TMEM67: variants seen among roughly 807,000 people sequenced by gnomAD.
The protein encoded by TMEM67 is meckelin.
Under a neutral mutation model 136.6 loss-of-function variants are expected in TMEM67, and 124 were observed. The observed-to-expected ratio is 0.91, with a 90% CI of 0.78 to 1.05. The LOEUF is 1.05. Ranked by LOEUF, TMEM67 falls within the 50% of genes least tolerant of loss-of-function variation. The probability of loss-of-function intolerance (pLI) is 0.00; values close to 1 mark genes in which losing one functional copy is unlikely to be tolerated. For synonymous variants in TMEM67, 364 were observed against 390.5 expected (o/e 0.93, Z 0.80); for missense variants, 1,107 against 1,178.4 (o/e 0.94, Z 0.89).
intron 21 of TMEM67, among the ~76,000 whole-genome samples, chr8:93,801,739 G>A (rs551090763): frequency 6.6e-6 from 1 of 152,066 alleles, no homozygotes; most frequent in African/African-American, 2.4e-5. Context: ...AGGTCCAGGT[G>A]GTGGTATTCA....
rs532107815 is a variant in TMEM67 at position 93,785,522 on chromosome 8, A to C, written c.1288+144A>C. 34 of 778,364 alleles carry C rather than the reference A, an allele frequency of 4.4e-5. No individual in the cohort carries two copies. In the East Asian group the frequency reaches 7.2e-4, roughly 16 times the overall value. The allele number at this position is 778,364 out of a possible 1,614,324, so 48.2% of individuals were successfully genotyped here. ...GTTCTATACAGTGTGCCAAAAAATGAAACAATAAATTGCTGGTGGACTTAG... is the reference window on the plus strand; with the variant it reads ...GTTCTATACAGTGTGCCAAAAAATGCAACAATAAATTGCTGGTGGACTTAG... On this transcript the variant is annotated intron_variant, in intron 12 of 27. Transcript: ENST00000453321.
chr8:93,775,076 G>T (rs561375635), intron 7 of TMEM67, among the ~76,000 whole-genome samples: 4 of 152,272 alleles, frequency 2.6e-5, no homozygotes, highest in African/African-American at 9.6e-5. Context: ...CTATCTCTTT[G>T]TGGTTTTGAT....
intron 13 of TMEM67, among the ~76,000 whole-genome samples, chr8:93,787,345 C>G (rs889090390): frequency 2.7e-5 from 4 of 147,008 alleles, no homozygotes; most frequent in African/African-American, 9.8e-5. Flanking sequence ...TGGGCTCAAA[C>G]AGTCTTCCCG....
chr8:93,769,999 CA>C (rs763762848), intron 6 of TMEM67, among the ~76,000 whole-genome samples: 4 of 152,170 alleles, frequency 2.6e-5, no homozygotes, highest in Non-Finnish European at 5.9e-5. Context: ...ACTTGCCAAT[CA>C]GAAAAAAATT....
chr8:93,815,260 C>A, intron 26 of TMEM67, 45 bp from the exon 27 acceptor site: 1 of 1,358,190 alleles, frequency 7.4e-7, no homozygotes, highest in South Asian at 1.4e-5. Flanking sequence ...CAGACTTGTT[C>A]CTTTTTTAAA....
At chr8:93,807,650 A>T (rs1440409115) in intron 23 of TMEM67, among the ~76,000 whole-genome samples, 1 of 151,752 alleles carries the variant, frequency 6.6e-6, no homozygotes, top group African/African-American at 2.4e-5. Flanking sequence ...TTATTTTGTA[A>T]ATTTTCTGCA....
intron 6 of TMEM67, among the ~76,000 whole-genome samples, chr8:93,767,662 T>C (rs1355060737): frequency 6.6e-6 from 1 of 152,090 alleles, no homozygotes; most frequent in Non-Finnish European, 1.5e-5. Flanking sequence ...TCATTATTTG[T>C]TTTGATGCTC....
In TMEM67 at chr8:93,767,777, T is replaced by C. The variant is rs556400032; in HGVS notation, c.651+2131T>C. On this transcript the variant is annotated intron_variant, in intron 6 of 27. Transcript: ENST00000453321. ...CATCATTCTTTGAACATTTGCTTACTTTATGGTACAACAAGATTTCTAGGC... is the reference window on the plus strand; with the variant it reads ...CATCATTCTTTGAACATTTGCTTACCTTATGGTACAACAAGATTTCTAGGC... Among the ~76,000 whole-genome samples, 29 of 151,550 alleles carry C rather than the reference T, an allele frequency of 1.9e-4. 1 individual carries two copies. The South Asian group carries it at 4.8e-3, about 25-fold the overall frequency.
At chr8:93,809,977 T>TC in intron 26 of TMEM67, 90 bp downstream of exon 26, 5 of 823,970 alleles carry the variant, frequency 6.1e-6, no homozygotes, top group Non-Finnish European at 7.7e-6. Context: ...TTTTCTTTTT[T>TC]TTTTTTTTTT....
chr8:93,778,401 T>G (rs1813656626), intron 7 of TMEM67, among the ~76,000 whole-genome samples: 1 of 152,220 alleles, frequency 6.6e-6, no homozygotes, highest in Admixed American at 6.5e-5. Flanking sequence ...GTCATTATGA[T>G]GTTAGCTGGT....
chr8:93,768,709 T>G (rs955939395), intron 6 of TMEM67, among the ~76,000 whole-genome samples: 1 of 152,160 alleles, frequency 6.6e-6, no homozygotes, highest in Non-Finnish European at 1.5e-5. Context: ...AAGTTTTAAG[T>G]ATCTTCTCCA....
At chr8:93,808,338 AAT>A (rs1291281651) in intron 23 of TMEM67, among the ~76,000 whole-genome samples, 10 of 139,862 alleles carry the variant, frequency 7.1e-5, no homozygotes, top group Admixed American at 1.5e-4. Context: ...ATAGATAATA[AAT>A]ATATATATTT....
At position 93,786,256 on chromosome 8, in the gene TMEM67, G is replaced by T. The variant is rs386834183; in HGVS notation, c.1322G>T (p.Arg441Leu). Residue 441 changes from arginine (R) to leucine (L), a missense_variant, in exon 13 of 28, where the codon CGC (arginine) becomes CTC (leucine). Coordinates refer to ENST00000453321, the MANE Select transcript of TMEM67 (RefSeq NM_153704.6). ...SNSGKWLLTR[R>L]IFLVDAVSGR... ...TCTGGAAAGTGGCTTCTAACTCGGCGCATTTTCTTAGTGGATGCAGTAAGT... is the reference window on the plus strand; with the variant it reads ...TCTGGAAAGTGGCTTCTAACTCGGCTCATTTTCTTAGTGGATGCAGTAAGT... 1.2e-5 allele frequency: 19 copies of T among 1,613,752 alleles called. No individual in the cohort carries two copies. The highest frequency in any genetic ancestry group is 1.4e-5 in the Non-Finnish European group (17 of 1,179,938).
intron 3 of TMEM67, among the ~76,000 whole-genome samples, chr8:93,759,657 T>G (rs1378132870): frequency 6.6e-6 from 1 of 150,990 alleles, no homozygotes; most frequent in Non-Finnish European, 1.5e-5. Flanking sequence ...ATTTTTGTTT[T>G]TTTTTTTTTG....
At chr8:93,764,321 T>A (rs1812984183) in intron 4 of TMEM67, among the ~76,000 whole-genome samples, 1 of 152,220 alleles carries the variant, frequency 6.6e-6, no homozygotes, top group Non-Finnish European at 1.5e-5. Flanking sequence ...TTTTGTTTGT[T>A]GTTACATAAT....
downstream of TMEM67, chr8:93,818,919 A>G (rs1386082545): frequency 1.1e-5 from 4 of 358,218 alleles, no homozygotes; most frequent in South Asian, 8.9e-5. Context: ...CCTCCACCTC[A>G]GCCTCCCAAG....
rs1814660615 is a variant in TMEM67, at chr8:93,797,233, G to A, written c.1960G>A (p.Gly654Ser). Reference sequence around the variant, plus strand: ...AGGAAAGGTTCTTAAAGCTGTTGAAGGTAACTGAAATAAAAAATATTTGTA... The same window carrying A: ...AGGAAAGGTTCTTAAAGCTGTTGAAAGTAACTGAAATAAAAAATATTTGTA... ...PKGKVLKAVE[G>S]EGGVRSATVP... The change falls in exon 19 of 28, where the codon GGT (glycine) becomes AGT (serine). Residue 654 changes from glycine (G) to serine (S), a missense_variant and splice_region_variant. This residue lies in a region of TMEM67 where 925 missense variants were observed against 1,002.4 expected (regional missense o/e 0.92). Transcript: ENST00000453321. 3 of 1,612,002 alleles carry A rather than the reference G, an allele frequency of 1.9e-6. No homozygotes were observed. Among genetic ancestry groups the A allele is most frequent in the Non-Finnish European group, 2.5e-6 (3 of 1,178,104 alleles).
chr8:93,754,892 G>A, upstream of TMEM67: 2 of 1,607,602 alleles, frequency 1.2e-6, no homozygotes, highest in Non-Finnish European at 1.7e-6. Context: ...GCTGGAGGCT[G>A]TGAGGCTTCC....
At chr8:93,799,904 CTTTTTTTTTTTTT>C in intron 21 of TMEM67, 146 bp downstream of exon 21, 2 of 347,456 alleles carry the variant, frequency 5.8e-6, no homozygotes, top group South Asian at 2.6e-5. Context: ...ATGGTCAGTT[CTTTTTTTTTTTTT>C]TTTTTTTTGA....
Sources: allele counts gnomAD v4.1 joint callset (sites outside exome capture counted in the v4.1 genomes callset), GRCh38; gene constraint gnomAD v4.1.1; regional missense constraint gnomAD v4.1.1; transcripts MANE v1.5; gene names NCBI Gene and HGNC (gene_info 2026-07-23, HGNC 2026-07-21).